AGMO: variants seen among roughly 807,000 people sequenced by gnomAD.
AGMO encodes glyceryl-ether monooxygenase.
A neutral mutation model predicts 60.2 loss-of-function variants in AGMO; 75 were observed. That is an observed-to-expected ratio of 1.25 (90% CI 1.03 to 1.51). AGMO has a LOEUF of 1.51. Among genes scored for constraint, AGMO ranks in the 40% most tolerant of loss-of-function variants. The pLI is 0.00. For missense variants in AGMO, 763 were observed against 525.5 expected, an observed-to-expected ratio of 1.45 and a Z score of -4.42; for synonymous variants, 261 against 177.1, an observed-to-expected ratio of 1.47 and a Z score of -3.76.
intron 9 of AGMO, 32 bp from the exon 10 acceptor site, chr7:15,385,594 G>T (rs375058797): frequency 8.3e-7 from 1 of 1,200,446 alleles, no homozygotes; most frequent in Non-Finnish European, 1.2e-6. Context: ...CCTTTATATT[G>T]CTCCAGACTC....
At chr7:15,496,116 G>A (rs1023398206) in intron 3 of AGMO, among the ~76,000 whole-genome samples, 2 of 152,082 alleles carry the variant, frequency 1.3e-5, no homozygotes, top group African/African-American at 4.8e-5. Context: ...TGCACAGCTT[G>A]GGTGGAACTG....
At chr7:15,511,390 C>A (rs915217949) in intron 3 of AGMO, among the ~76,000 whole-genome samples, 2 of 152,060 alleles carry the variant, frequency 1.3e-5, no homozygotes, top group Non-Finnish European at 2.9e-5. Flanking sequence ...TTTTTCTCAT[C>A]AACATTATAA....
At chr7:15,485,142 C>CAAAAAAAAAAAAAA (rs34731268) in intron 3 of AGMO, among the ~76,000 whole-genome samples, 29 of 97,740 alleles carry the variant, frequency 3.0e-4, no homozygotes, top group African/African-American at 4.3e-4. Context: ...ACTAAAAATA[C>CAAAAAAAAAAAAAA]AAAAAAAAAA....
At chr7:15,370,233 TTC>T (rs1562464950) in intron 10 of AGMO, among the ~76,000 whole-genome samples, 3 of 152,202 alleles carry the variant, frequency 2.0e-5, no homozygotes, top group Non-Finnish European at 4.4e-5. Context: ...AGGACATGAA[TTC>T]TTTTTCATGC....
intron 3 of AGMO, among the ~76,000 whole-genome samples, chr7:15,541,744 G>A (rs760362428): frequency 2.2e-4 from 34 of 152,042 alleles, no homozygotes; most frequent in Non-Finnish European, 4.1e-4. Context: ...ACAAACAAAT[G>A]ACAACAACAA....
intron 12 of AGMO, among the ~76,000 whole-genome samples, chr7:15,283,218 T>G (rs1784015340): frequency 6.6e-6 from 1 of 151,924 alleles, no homozygotes; most frequent in Admixed American, 6.6e-5. Context: ...TTGCCTGAAA[T>G]AATACCTCAC....
chr7:15,427,937 T>C (rs1202412008), intron 4 of AGMO, among the ~76,000 whole-genome samples: 2 of 113,874 alleles, frequency 1.8e-5, no homozygotes, highest in South Asian at 2.9e-4. Flanking sequence ...TGTAACTTCT[T>C]CAAAAGTTGT....
At chr7:15,222,282 A>C (rs1048276499) in intron 12 of AGMO, among the ~76,000 whole-genome samples, 3 of 152,084 alleles carry the variant, frequency 2.0e-5, no homozygotes, top group African/African-American at 7.2e-5. Flanking sequence ...TTATTTAATT[A>C]ATTAGTTCAC....
At chr7:15,246,146 G>T (rs187282817) in intron 12 of AGMO, among the ~76,000 whole-genome samples, 28 of 152,192 alleles carry the variant, frequency 1.8e-4, no homozygotes, top group Non-Finnish European at 2.9e-4. Flanking sequence ...ACATTTTTAG[G>T]GATTAAGTTT....
At chr7:15,308,130 T>TC (rs1411020031) in intron 12 of AGMO, among the ~76,000 whole-genome samples, 2 of 152,214 alleles carry the variant, frequency 1.3e-5, no homozygotes, top group East Asian at 3.9e-4. Context: ...TCTATTTATG[T>TC]CATTTCTTTA....
intron 3 of AGMO, among the ~76,000 whole-genome samples, chr7:15,450,502 C>T (rs1160360328): frequency 6.6e-6 from 1 of 151,818 alleles, no homozygotes; most frequent in Non-Finnish European, 1.5e-5. Context: ...CATATTTATG[C>T]TAGTGCTCTG....
chr7:15,495,351 A>G (rs1783192920), intron 3 of AGMO, among the ~76,000 whole-genome samples: 1 of 152,068 alleles, frequency 6.6e-6, no homozygotes, highest in Admixed American at 6.6e-5. Flanking sequence ...TTTTATGTTT[A>G]TGCTCCACTG....
intron 12 of AGMO, among the ~76,000 whole-genome samples, chr7:15,261,234 G>A (rs1435466165): frequency 6.6e-6 from 1 of 151,954 alleles, no homozygotes; most frequent in Admixed American, 6.6e-5. Flanking sequence ...TTTTTGAAAA[G>A]ATAAATGCAG....
At chr7:15,432,555 G>C (rs1382781097) in intron 3 of AGMO, among the ~76,000 whole-genome samples, 1 of 151,394 alleles carries the variant, frequency 6.6e-6, no homozygotes, top group Non-Finnish European at 1.5e-5. Context: ...AAACAGAACT[G>C]TGGTTAGTCT....
At chr7:15,310,399 TATTTGG>T in intron 12 of AGMO, among the ~76,000 whole-genome samples, 1 of 152,128 alleles carries the variant, frequency 6.6e-6, no homozygotes, top group Non-Finnish European at 1.5e-5. Context: ...GAAATAAACA[TATTTGG>T]TTTCCATTTG....
At chr7:15,153,735 T>C in the AGMO span, among the ~76,000 whole-genome samples, 1 of 152,196 alleles carries the variant, frequency 6.6e-6, no homozygotes, top group Non-Finnish European at 1.5e-5. Flanking sequence ...TTTTGGTGAC[T>C]ATGGCCTTAA....
chr7:15,387,782 A>G (rs1783978590), intron 8 of AGMO, among the ~76,000 whole-genome samples: 1 of 152,216 alleles, frequency 6.6e-6, no homozygotes, highest in Non-Finnish European at 1.5e-5. Context: ...TTTGAAATGT[A>G]AAAACAGGGC....
At chr7:15,404,578 A>T (rs1583515904) in intron 5 of AGMO, among the ~76,000 whole-genome samples, 1 of 151,872 alleles carries the variant, frequency 6.6e-6, no homozygotes, top group Non-Finnish European at 1.5e-5. Flanking sequence ...TTAGGCATCC[A>T]GTGATAAATG....
chr7:15,393,368 T>A (rs1282349530), intron 6 of AGMO, among the ~76,000 whole-genome samples: 1 of 152,230 alleles, frequency 6.6e-6, no homozygotes, highest in Non-Finnish European at 1.5e-5. Context: ...TCTCTCAGTA[T>A]TGTTTGTGAG....
Sources: gnomAD v4.1 joint callset for allele counts (sites outside exome capture counted in the v4.1 genomes callset) on GRCh38, gnomAD v4.1.1 for gene constraint, MANE v1.5 for transcripts, NCBI Gene and HGNC (gene_info 2026-07-23, HGNC 2026-07-21) for gene names.